The following LRBA variants were observed in gnomAD, a reference collection of about 807,000 sequenced individuals.
LRBA encodes LPS responsive beige-like anchor protein.
A neutral mutation model predicts 330.0 loss-of-function variants in LRBA; 176 were observed. The ratio of observed to expected loss-of-function variants is 0.53; its 90% CI spans 0.47 to 0.60. The LOEUF (loss-of-function observed/expected upper bound fraction) is 0.60, where lower values mean the gene tolerates loss of function less well. Among genes scored for constraint, LRBA ranks in the 20% least tolerant of loss-of-function variants. The pLI, the probability that LRBA is intolerant of heterozygous loss-of-function variation, is 0.00. For synonymous variants in LRBA, 1,230 were observed against 1,193.0 expected (o/e 1.03, Z -0.64); for missense variants, 3,259 against 3,444.8 (o/e 0.95, Z 1.35).
chr4:150,962,046 T>C (rs1454577088), intron 2 of LRBA, among the ~76,000 whole-genome samples: 2 of 149,380 alleles, frequency 1.3e-5, no homozygotes, highest in Admixed American at 1.3e-4. Context: ...AGCTACAAAG[T>C]CCACACTCTT....
chr4:150,797,756 G>A (rs1238043534), intron 34 of LRBA, among the ~76,000 whole-genome samples: 1 of 151,990 alleles, frequency 6.6e-6, no homozygotes, highest in African/African-American at 2.4e-5. Flanking sequence ...AGTCAGCGTG[G>A]CACTCCACAA....
chr4:150,747,344 A>G (rs1211741427), intron 35 of LRBA, among the ~76,000 whole-genome samples: 1 of 152,206 alleles, frequency 6.6e-6, no homozygotes, highest in Admixed American at 6.5e-5. Context: ...TTACTTTGAA[A>G]CTTTCTGTAT....
intron 40 of LRBA, among the ~76,000 whole-genome samples, chr4:150,561,279 G>A (rs1768301831): frequency 1.3e-5 from 2 of 152,134 alleles, no homozygotes; most frequent in Non-Finnish European, 2.9e-5. Context: ...TAGTAACACT[G>A]TATTCCTTCT....
chr4:150,440,208 T>C (rs1751642434), intron 44 of LRBA, among the ~76,000 whole-genome samples: 1 of 152,148 alleles, frequency 6.6e-6, no homozygotes, highest in African/African-American at 2.4e-5. Context: ...AAAATGGTCA[T>C]AATTTCTTTT....
At chr4:150,969,592 CA>C (rs1035001169) in intron 2 of LRBA, among the ~76,000 whole-genome samples, 1 of 152,192 alleles carries the variant, frequency 6.6e-6, no homozygotes, top group African/African-American at 2.4e-5. Context: ...CTCAGCCACC[CA>C]GGTAGCTAGG....
chr4:151,004,366 T>A (rs181122816), intron 2 of LRBA, among the ~76,000 whole-genome samples: 32 of 152,258 alleles, frequency 2.1e-4, no homozygotes, highest in Middle Eastern at 3.4e-3. Flanking sequence ...ACTGCCGCAA[T>A]CAATCTGATA....
At chr4:150,328,903 T>G (rs759872252) in intron 48 of LRBA, among the ~76,000 whole-genome samples, 1 of 152,194 alleles carries the variant, frequency 6.6e-6, no homozygotes, top group Non-Finnish European at 1.5e-5. Flanking sequence ...TTAATATAAC[T>G]GGCCTTAATA....
chr4:150,800,770 T>C lies in LRBA; in HGVS notation c.5519-2628A>G, dbSNP rs533443183. 5.9e-5 allele frequency among the ~76,000 whole-genome samples: 9 copies of C among 152,320 alleles called. No homozygotes were observed. In the South Asian group the frequency reaches 1.4e-3, roughly 25 times the overall value. On this transcript the variant is annotated intron_variant, in intron 33 of 56. Transcript: ENST00000651943. ...GACCTCTCTAAAACTCTCAGTAGAATAGTAGAATAATAGGGTTTGGTTTGA... is the reference window on the plus strand; with the variant it reads ...GACCTCTCTAAAACTCTCAGTAGAACAGTAGAATAATAGGGTTTGGTTTGA...
intron 22 of LRBA, among the ~76,000 whole-genome samples, chr4:150,867,009 G>A (rs935219604): frequency 1.3e-5 from 2 of 150,378 alleles, no homozygotes; most frequent in Admixed American, 6.7e-5. Context: ...AATTATAGAG[G>A]AGTAACCCAA....
At chr4:150,429,109 A>G (rs115444346) in intron 46 of LRBA, among the ~76,000 whole-genome samples, 5 of 152,114 alleles carry the variant, frequency 3.3e-5, no homozygotes, top group Admixed American at 2.0e-4. Flanking sequence ...TAAGCATGAG[A>G]TAAGTATGTC....
At chr4:151,004,139 A>G (rs1743741103) in intron 2 of LRBA, among the ~76,000 whole-genome samples, 2 of 152,168 alleles carry the variant, frequency 1.3e-5, no homozygotes, top group African/African-American at 4.8e-5. Context: ...ACTGGGTTCA[A>G]GCAATTCTCT....
At chr4:150,634,604 A>G (rs1233869010) in intron 37 of LRBA, among the ~76,000 whole-genome samples, 1 of 152,212 alleles carries the variant, frequency 6.6e-6, no homozygotes, top group Non-Finnish European at 1.5e-5. Flanking sequence ...ACACAATACT[A>G]TTGTGAAGGA....
At chr4:150,470,876 C>CACACACACACACACACACACACACACCA (rs1554034850) in intron 43 of LRBA, among the ~76,000 whole-genome samples, 5 of 143,706 alleles carry the variant, frequency 3.5e-5, no homozygotes, top group Non-Finnish European at 4.6e-5. Context: ...CACACACACA[C>CACACACACACACACACACACACACACCA]CACACACTAA....
intron 37 of LRBA, among the ~76,000 whole-genome samples, chr4:150,652,918 A>C (rs532713668): frequency 6.6e-6 from 1 of 152,312 alleles, no homozygotes; most frequent in East Asian, 1.9e-4. Flanking sequence ...TTGTCTATTC[A>C]TTAGGAAAAT....
chr4:150,584,178 A>C, intron 40 of LRBA: 2 of 1,429,426 alleles, frequency 1.4e-6, no homozygotes, highest in Non-Finnish European at 1.8e-6. Context: ...TCTGCTATAA[A>C]CAGCAGAAAC....
intron 31 of LRBA, among the ~76,000 whole-genome samples, chr4:150,816,573 A>G (rs1744624385): frequency 6.6e-6 from 1 of 151,962 alleles, no homozygotes; most frequent in Non-Finnish European, 1.5e-5. Context: ...CAAAAATAAA[A>G]GTGCTATAGG....
chr4:150,666,126 A>G (rs1781533524), intron 37 of LRBA, among the ~76,000 whole-genome samples: 1 of 152,252 alleles, frequency 6.6e-6, no homozygotes, highest in Admixed American at 6.5e-5. Context: ...TGATGGTTTC[A>G]TGGATAGACA....
At chr4:150,270,753 T>TC (rs1014371068) in intron 56 of LRBA, among the ~76,000 whole-genome samples, 3 of 151,918 alleles carry the variant, frequency 2.0e-5, no homozygotes, top group Non-Finnish European at 2.9e-5. Context: ...ATAAAGATGA[T>TC]CCCCCCAAAA....
chr4:150,444,292 C>T (rs972636307), intron 44 of LRBA, among the ~76,000 whole-genome samples: 2 of 151,890 alleles, frequency 1.3e-5, no homozygotes, highest in African/African-American at 4.8e-5. Flanking sequence ...TTCTGTGTTG[C>T]TGAGGCTTTT....
Sources: allele counts gnomAD v4.1 joint callset (sites outside exome capture counted in the v4.1 genomes callset), GRCh38; gene constraint gnomAD v4.1.1; transcripts MANE v1.5; gene names NCBI Gene and HGNC (gene_info 2026-07-23, HGNC 2026-07-21).